Variants in GPHN observed in about 807,000 individuals in gnomAD.
GPHN encodes the protein gephyrin.
A neutral mutation model predicts 95.5 loss-of-function variants in GPHN; 17 were observed. The observed-to-expected ratio is 0.18, with a 90% confidence interval of 0.12 to 0.27. The LOEUF is 0.27. Ranked by LOEUF, GPHN falls within the 10% of genes least tolerant of loss-of-function variation. GPHN has a pLI of 1.00. For synonymous variants in GPHN, 320 were observed against 322.5 expected, an observed-to-expected ratio of 0.99 and a Z score of 0.08; for missense variants, 660 against 978.1, an observed-to-expected ratio of 0.67 and a Z score of 4.34.
intron 5 of GPHN, among the ~76,000 whole-genome samples, chr14:66,881,493 G>A (rs1043830905): frequency 4.4e-4 from 67 of 151,528 alleles, no homozygotes; most frequent in African/African-American, 1.4e-3. Flanking sequence ...ATTTTAATTC[G>A]GTAAACATAA....
At chr14:67,183,807 G>A (rs1258042335), downstream of GPHN, among the ~76,000 whole-genome samples, 3 of 151,266 alleles carry the variant, frequency 2.0e-5, no homozygotes, top group South Asian at 2.1e-4. Context: ...CAGGTGATCC[G>A]CTGGGATTAC....
At chr14:66,966,810 T>C (rs1240922560) in intron 9 of GPHN, among the ~76,000 whole-genome samples, 4 of 152,024 alleles carry the variant, frequency 2.6e-5, no homozygotes, top group Admixed American at 1.3e-4. Flanking sequence ...AAATATTTTT[T>C]GAAAATATTT....
At chr14:67,055,568 A>G (rs2075522876) in intron 10 of GPHN, among the ~76,000 whole-genome samples, 1 of 152,226 alleles carries the variant, frequency 6.6e-6, no homozygotes, top group Non-Finnish European at 1.5e-5. Flanking sequence ...ACCCAAAGGA[A>G]TATAAATCAT....
At chr14:66,941,989 TTTAG>T (rs201518556) in intron 8 of GPHN, among the ~76,000 whole-genome samples, 1,830 of 152,280 alleles carry the variant, frequency 0.012, 18 homozygotes, top group Non-Finnish European at 0.018. Context: ...ATTTAGTCCA[TTTAG>T]TTAAGTCTTT....
intron 18 of GPHN, among the ~76,000 whole-genome samples, chr14:67,145,771 G>A (rs1209583549): frequency 6.6e-6 from 1 of 152,082 alleles, no homozygotes; most frequent in African/African-American, 2.4e-5. Flanking sequence ...AAAAAGACAG[G>A]GAAATCAAGG....
chr14:67,654,066 A>G, the GPHN span, among the ~76,000 whole-genome samples: 5 of 152,124 alleles, frequency 3.3e-5, no homozygotes, highest in Non-Finnish European at 5.9e-5. Flanking sequence ...ATCTGTTCCC[A>G]TTCCCCAGTG....
chr14:67,157,578 C>G (rs1427100415), intron 18 of GPHN, among the ~76,000 whole-genome samples: 1 of 152,164 alleles, frequency 6.6e-6, no homozygotes, highest in Non-Finnish European at 1.5e-5. Flanking sequence ...AATTCCAACA[C>G]TTTGGGAGGC....
At chr14:67,281,827 T>C in the GPHN span, among the ~76,000 whole-genome samples, 1 of 152,130 alleles carries the variant, frequency 6.6e-6, no homozygotes, top group Admixed American at 6.5e-5. Flanking sequence ...TTTTTTGCTT[T>C]TTCCTGTTTC....
At chr14:67,249,647 T>A in the GPHN span, among the ~76,000 whole-genome samples, 1 of 152,250 alleles carries the variant, frequency 6.6e-6, no homozygotes, top group Non-Finnish European at 1.5e-5. Context: ...TCTTTTGAGT[T>A]ATGCTTTTTT....
intron 2 of GPHN, among the ~76,000 whole-genome samples, chr14:66,772,656 G>A (rs1319874499): frequency 6.6e-6 from 1 of 152,150 alleles, no homozygotes; most frequent in Non-Finnish European, 1.5e-5. Context: ...TTCCTGAATA[G>A]AGTATTCCCC....
At chr14:66,591,310 A>G (rs766236157) in intron 1 of GPHN, among the ~76,000 whole-genome samples, 2 of 152,222 alleles carry the variant, frequency 1.3e-5, no homozygotes, top group Non-Finnish European at 1.5e-5. Context: ...GGCCAGGGCA[A>G]TCAGGCAAGA....
chr14:66,518,142 CAAAA>C (rs140918454), intron 1 of GPHN, among the ~76,000 whole-genome samples: 2 of 148,608 alleles, frequency 1.3e-5, no homozygotes, highest in Admixed American at 6.7e-5. Context: ...AAAAACAAAA[CAAAA>C]AAAACCCTGC....
the GPHN span, among the ~76,000 whole-genome samples, chr14:67,442,917 C>A: frequency 6.6e-6 from 1 of 152,160 alleles, no homozygotes; most frequent in African/African-American, 2.4e-5. Flanking sequence ...AAGCCAACGA[C>A]GTTATATTAA....
chr14:66,684,926 G>A (rs1196002787), intron 2 of GPHN, among the ~76,000 whole-genome samples: 1 of 152,006 alleles, frequency 6.6e-6, no homozygotes, highest in Non-Finnish European at 1.5e-5. Flanking sequence ...ACAGGCCCCA[G>A]TGTGTGATGT....
the GPHN span, among the ~76,000 whole-genome samples, chr14:67,687,502 C>T: frequency 7.8e-6 from 1 of 127,926 alleles, no homozygotes. Flanking sequence ...TGGAGTTTCA[C>T]TCTTGTTTGC....
At chr14:67,553,279 A>G in the GPHN span, among the ~76,000 whole-genome samples, 1 of 152,218 alleles carries the variant, frequency 6.6e-6, no homozygotes, top group Admixed American at 6.5e-5. Flanking sequence ...TAGGAAACTT[A>G]TTGAGGGACC....
intron 10 of GPHN, among the ~76,000 whole-genome samples, chr14:67,043,636 T>C (rs988579157): frequency 6.6e-6 from 1 of 152,170 alleles, no homozygotes. Context: ...TTGCCAGTAT[T>C]ATATTGAGAA....
chr14:67,159,914 G>C (rs1477212684), intron 19 of GPHN, among the ~76,000 whole-genome samples: 1 of 152,020 alleles, frequency 6.6e-6, no homozygotes, highest in Non-Finnish European at 1.5e-5. Context: ...GCAAATTCTA[G>C]ATATGTCATT....
At chr14:66,880,798 T>C (rs117257353) in intron 5 of GPHN, among the ~76,000 whole-genome samples, 1,661 of 152,098 alleles carry the variant, frequency 0.011, 17 homozygotes, top group Middle Eastern at 0.017. Context: ...CATCCTCGAT[T>C]TAATGGTACT....
Sources: gnomAD v4.1 joint callset for allele counts (sites outside exome capture counted in the v4.1 genomes callset) on GRCh38, gnomAD v4.1.1 for gene constraint, MANE v1.5 for transcripts, NCBI Gene and HGNC (gene_info 2026-07-23, HGNC 2026-07-21) for gene names.